TIMP2: variants seen among roughly 807,000 people sequenced by gnomAD.
TIMP2 encodes TIMP metallopeptidase inhibitor 2, also known as metalloproteinase inhibitor 2.
Under a neutral mutation model 24.3 loss-of-function variants are expected in TIMP2, and 5 were observed. The ratio of observed to expected loss-of-function variants is 0.21; its 90% CI spans 0.11 to 0.43. TIMP2 has a LOEUF of 0.43. TIMP2 is among the 20% of genes least tolerant of loss of function. The probability of loss-of-function intolerance (pLI) is 1.00; values close to 1 mark genes in which losing one functional copy is unlikely to be tolerated. For synonymous variants in TIMP2, 130 were observed against 123.2 expected, an observed-to-expected ratio of 1.06 and a Z score of -0.37; for missense variants, 221 against 297.5, an observed-to-expected ratio of 0.74 and a Z score of 1.89.
chr17:78,891,603 G>C lies in TIMP2; in HGVS notation c.131-17684C>G, dbSNP rs2069895872. On this transcript the variant is annotated intron_variant, in intron 1 of 4. Transcript: ENST00000262768. This position sits in a 1 kb window ranked among gnomAD's most constrained non-coding sequence, Gnocchi z 4.5. ...CCGAGGTCTCTCAGCTTCCCCTCCA[G>C]ACTCTGTCCCTGAGAGCGACTGGTC... 1 of 1,550,900 alleles carries C rather than the reference G, an allele frequency of 6.4e-7. No individual in the cohort carries two copies. Among genetic ancestry groups the C allele is most frequent in the Admixed American group, 2.0e-5 (1 of 51,008 alleles).
At chr17:78,863,640 A>C (rs1234938656) in intron 3 of TIMP2, among the ~76,000 whole-genome samples, 2 of 152,218 alleles carry the variant, frequency 1.3e-5, no homozygotes, top group Non-Finnish European at 2.9e-5. Context: ...CTTTCAGCAG[A>C]GCCTTCACGC....
Position 78,855,921 on chromosome 17 carries a change from A to G in TIMP2, c.466-57T>C. 6.3e-7 allele frequency: 1 copy of G among 1,576,740 alleles called. No homozygotes were observed. The highest frequency in any genetic ancestry group is 8.7e-7 in the Non-Finnish European group (1 of 1,148,298). ...CAGGGACCCAGGAAGGGGTGGGCAGAGGCTGCTCTGGGGGCATGTCCAGAA... is the reference window on the plus strand; with the variant it reads ...CAGGGACCCAGGAAGGGGTGGGCAGGGGCTGCTCTGGGGGCATGTCCAGAA... On this transcript the variant is annotated intron_variant, in intron 4 of 4. Coordinates refer to ENST00000262768, the MANE Select transcript of TIMP2 (RefSeq NM_003255.5). This position sits in a 1 kb window ranked among gnomAD's most constrained non-coding sequence, Gnocchi z 6.0.
At chr17:78,884,498 G>A (rs893392936) in intron 1 of TIMP2, among the ~76,000 whole-genome samples, 6 of 152,178 alleles carry the variant, frequency 3.9e-5, no homozygotes, top group African/African-American at 1.4e-4. Flanking sequence ...AGGACATGAA[G>A]GCTGGAATCC....
At chr17:78,911,563 G>T (rs1034601032) in intron 1 of TIMP2, among the ~76,000 whole-genome samples, 2 of 152,016 alleles carry the variant, frequency 1.3e-5, no homozygotes, top group African/African-American at 4.8e-5. Flanking sequence ...GAGTAGCTGG[G>T]ATTACAGGTA....
chr17:78,874,287 CTT>C (rs34640828), intron 1 of TIMP2: 4 of 189,028 alleles, frequency 2.1e-5, no homozygotes, highest in East Asian at 1.6e-4. Flanking sequence ...GTGCTTTTGG[CTT>C]TTTTTTTCCT....
intron 1 of TIMP2, among the ~76,000 whole-genome samples, chr17:78,881,371 G>C (rs947155635): frequency 6.6e-6 from 1 of 152,224 alleles, no homozygotes; most frequent in Non-Finnish European, 1.5e-5. Context: ...AGTCGGGTGG[G>C]GGCTTCACAC....
Position 78,854,516 on chromosome 17 carries a change from TGAGA to T in TIMP2, c.*1147_*1150del, listed in dbSNP as rs1343114102. On this transcript the variant is annotated 3_prime_UTR_variant, in exon 5 of 5. Transcript: ENST00000262768. The stretch of plus-strand genomic sequence containing the variant: ...AAACAGGCCATAGTGTCCTGGAGGC[TGAGA>T]AAGAAGTGAGTGTGTCACCAAAGCC... 1 of 152,072 alleles carries T rather than the reference TGAGA, an allele frequency of 6.6e-6. No homozygotes were observed. Among genetic ancestry groups the T allele is most frequent in the Non-Finnish European group, 1.5e-5 (1 of 68,046 alleles). 9.4% of individuals were successfully genotyped at this position (152,072 alleles called of 1,614,324 possible).
Position 78,891,695 on chromosome 17 carries a change from T to A in TIMP2, c.131-17776A>T. The A allele has an allele frequency of 1.3e-6, 2 of 1,551,124 alleles. No individual in the cohort carries two copies. Among genetic ancestry groups the A allele is most frequent in the Non-Finnish European group, 8.7e-7 (1 of 1,147,116 alleles). On this transcript the variant is annotated intron_variant, in intron 1 of 4. Transcript: ENST00000262768. The surrounding 1 kb of genome is among the most constrained non-coding windows in gnomAD (Gnocchi z 4.5). ...CCTCCCCGCCCGAGCTGTTCCTTTC[T>A]CTTTTTCCTCCACAAGCCCGATTTC...
chr17:78,903,187 T>C (rs2070122739), intron 1 of TIMP2: 1 of 152,600 alleles, frequency 6.6e-6, no homozygotes, highest in South Asian at 2.1e-4. Context: ...GCCTCTGCCC[T>C]GGCTGGCTAC....
chr17:78,915,155 C>G (rs2145794550), intron 1 of TIMP2, among the ~76,000 whole-genome samples: 1 of 152,222 alleles, frequency 6.6e-6, no homozygotes, highest in South Asian at 2.1e-4. Context: ...CCTCAGCCTC[C>G]CAAAGTGCTG....
chr17:78,897,979 T>C (rs1484075755), intron 1 of TIMP2: 1 of 152,160 alleles, frequency 6.6e-6, no homozygotes, highest in Admixed American at 6.5e-5. Flanking sequence ...CAGGAATTGA[T>C]TTCCCCCATG....
intron 3 of TIMP2, among the ~76,000 whole-genome samples, chr17:78,863,255 T>G (rs1324121901): frequency 3.3e-5 from 5 of 152,176 alleles, no homozygotes; most frequent in Admixed American, 2.6e-4. Flanking sequence ...TTATTTTTTT[T>G]GGGTGGGGGG....
chr17:78,887,110 A>C (rs1238988464), intron 1 of TIMP2, among the ~76,000 whole-genome samples: 4 of 152,206 alleles, frequency 2.6e-5, no homozygotes, highest in Admixed American at 2.6e-4. Context: ...AAGCAAAAAC[A>C]AAAGAGTCTT....
At chr17:78,867,658 C>T (rs1194917824) in intron 3 of TIMP2, among the ~76,000 whole-genome samples, 14 of 148,974 alleles carry the variant, frequency 9.4e-5, no homozygotes, top group African/African-American at 2.0e-4. Flanking sequence ...TGCAGTGGCA[C>T]GATCTCGGCT....
intron 2 of TIMP2, among the ~76,000 whole-genome samples, chr17:78,872,673 C>T (rs1429826766): frequency 4.6e-5 from 7 of 152,140 alleles, no homozygotes; most frequent in Non-Finnish European, 7.4e-5. Context: ...GGCCTTTTCA[C>T]GACCCCTTTA....
intron 1 of TIMP2, among the ~76,000 whole-genome samples, chr17:78,875,194 G>A (rs1337581394): frequency 1.3e-5 from 2 of 152,162 alleles, no homozygotes; most frequent in East Asian, 3.9e-4. Context: ...ATTCTTTACA[G>A]TAACACAGAG....
chr17:78,875,757 C>T (rs1272984850), intron 1 of TIMP2, among the ~76,000 whole-genome samples: 1 of 152,128 alleles, frequency 6.6e-6, no homozygotes, highest in African/African-American at 2.4e-5. Context: ...GCTCAAATCT[C>T]TTAGAACCCC....
intron 1 of TIMP2, among the ~76,000 whole-genome samples, chr17:78,910,019 T>A (rs1253764566): frequency 6.6e-6 from 1 of 152,146 alleles, no homozygotes; most frequent in Admixed American, 6.5e-5. Context: ...AATGGACACA[T>A]AATTGTAATA....
chr17:78,897,140 T>C, intron 1 of TIMP2: 1 of 283,314 alleles, frequency 3.5e-6, no homozygotes, highest in Non-Finnish European at 5.3e-6. Context: ...CGAAGGAGAC[T>C]CCAGGCCTGC....
Sources: allele counts gnomAD v4.1 joint callset (sites outside exome capture counted in the v4.1 genomes callset), GRCh38; gene constraint gnomAD v4.1.1; non-coding constraint Gnocchi (gnomAD v3.1); transcripts MANE v1.5; gene names NCBI Gene and HGNC (gene_info 2026-07-23, HGNC 2026-07-21).